The following LMBR1 variants were observed in gnomAD, a reference collection of about 807,000 sequenced individuals.
The protein encoded by LMBR1 is limb region 1 protein homolog.
LMBR1 carries 52 observed loss-of-function variants against 73.9 expected under a neutral mutation model. That is an observed-to-expected ratio of 0.70 (90% CI 0.56 to 0.89). The LOEUF is 0.89. Among genes scored for constraint, LMBR1 ranks in the 40% least tolerant of loss-of-function variants. LMBR1 has a pLI of 0.00. For missense variants in LMBR1, 539 were observed against 579.8 expected, an observed-to-expected ratio of 0.93 and a Z score of 0.72; for synonymous variants, 215 against 209.4, an observed-to-expected ratio of 1.03 and a Z score of -0.23.
chr7:156,844,194 C>A (rs901014212), intron 1 of LMBR1, among the ~76,000 whole-genome samples: 4 of 151,794 alleles, frequency 2.6e-5, no homozygotes, highest in Non-Finnish European at 5.9e-5. Context: ...GATGGTGGTA[C>A]ACGCCTGTAA....
chr7:156,686,927 TAA>T (rs2131874261), intron 16 of LMBR1, among the ~76,000 whole-genome samples: 1 of 152,344 alleles, frequency 6.6e-6, no homozygotes, highest in South Asian at 2.1e-4. Flanking sequence ...TTAAAAGGTA[TAA>T]GTTATCTGGT....
chr7:156,833,649 C>G (rs1305790852), intron 3 of LMBR1, 104 bp downstream of exon 3: 4 of 791,410 alleles, frequency 5.1e-6, no homozygotes, highest in African/African-American at 1.8e-5. Context: ...TTGTAATGTG[C>G]TGGGTGAATA....
chr7:156,762,222 G>T, intron 7 of LMBR1, 24 bp from the exon 8 acceptor site: 2 of 1,473,204 alleles, frequency 1.4e-6, no homozygotes, highest in Non-Finnish European at 1.9e-6. Flanking sequence ...ATCACCAAAA[G>T]ACAGAAAGCG....
chr7:156,731,734 G>A (rs949158837), intron 10 of LMBR1, among the ~76,000 whole-genome samples: 1 of 152,016 alleles, frequency 6.6e-6, no homozygotes, highest in Non-Finnish European at 1.5e-5. Flanking sequence ...ATATGAATTA[G>A]AATACCAAAG....
In LMBR1 at chr7:156,680,554, A is replaced by C. The variant is rs750278724; in HGVS notation, c.*3524T>G. 5 of 152,472 alleles carry C rather than the reference A, an allele frequency of 3.3e-5. No homozygotes were observed. Among genetic ancestry groups the C allele is most frequent in the Admixed American group, 6.5e-5 (1 of 15,286 alleles). 9.4% of individuals were successfully genotyped at this position (152,472 alleles called of 1,614,324 possible). On this transcript the variant is annotated 3_prime_UTR_variant, in exon 17 of 17. Coordinates refer to ENST00000353442, the MANE Select transcript of LMBR1 (RefSeq NM_022458.4). ...AACTCTGGGTTAAGCTGTCCAGACC[A>C]CAAGTAGGTGCTGTTCAGTCCTTTT...
Position 156,670,252 on chromosome 7 carries a change from C to T in LMBR1, n.867-965G>A, listed in dbSNP as rs987082702. ...TTGCAGAGGAGCTGGATGCTAAGCA[C>T]GGCTGGCTCTACTGTTTTGACTTTG... On this transcript the variant is annotated intron_variant and non_coding_transcript_variant, in intron 4 of 4. Coordinates refer to the LMBR1 transcript ENST00000430825. This position sits in a 1 kb window ranked among gnomAD's most constrained non-coding sequence, Gnocchi z 4.3. 2.6e-5 allele frequency among the ~76,000 whole-genome samples: 4 copies of T among 152,178 alleles called. No individual in the cohort carries two copies. The highest frequency in any genetic ancestry group is 6.5e-5 in the Admixed American group (1 of 15,274).
intron 3 of LMBR1, among the ~76,000 whole-genome samples, chr7:156,832,020 A>G (rs549148268): frequency 6.6e-6 from 1 of 152,352 alleles, no homozygotes; most frequent in Non-Finnish European, 1.5e-5. Flanking sequence ...ATTTATACAG[A>G]GGAAAAAAAT....
At chr7:156,759,027 A>G (rs1196952532) in intron 8 of LMBR1, among the ~76,000 whole-genome samples, 1 of 152,248 alleles carries the variant, frequency 6.6e-6, no homozygotes, top group Non-Finnish European at 1.5e-5. Context: ...AAATATGGGT[A>G]AGACATAGTC....
intron 1 of LMBR1, among the ~76,000 whole-genome samples, chr7:156,848,178 T>C (rs764944265): frequency 1.6e-4 from 24 of 151,574 alleles, no homozygotes; most frequent in Non-Finnish European, 3.2e-4. Flanking sequence ...TGACAAAGAC[T>C]TCATGACAAA....
rs552647160 is a variant in LMBR1, at chr7:156,842,177, T to C, written c.67-5292A>G. 1.0e-4 allele frequency among the ~76,000 whole-genome samples: 15 copies of C among 150,480 alleles called. No individual in the cohort carries two copies. In the South Asian group the frequency reaches 3.2e-3, roughly 32 times the overall value. ...TACATACGGAGAGTGAGGGAAGAAG[T>C]GCTGCAGGGTAATAAGGAATCAGAG... On this transcript the variant is annotated intron_variant, in intron 1 of 16. Transcript: ENST00000353442.
intron 9 of LMBR1, among the ~76,000 whole-genome samples, chr7:156,743,061 A>G (rs1242125690): frequency 6.6e-6 from 1 of 152,090 alleles, no homozygotes; most frequent in Non-Finnish European, 1.5e-5. Context: ...CATGATACAA[A>G]CCTTTAGAAA....
At chr7:156,826,170 G>T (rs949515219) in intron 4 of LMBR1, among the ~76,000 whole-genome samples, 1 of 152,042 alleles carries the variant, frequency 6.6e-6, no homozygotes, top group Admixed American at 6.6e-5. Context: ...AGTAGAGACA[G>T]GGTTTCTCCA....
At chr7:156,836,442 T>A (rs980670350) in intron 2 of LMBR1, among the ~76,000 whole-genome samples, 8 of 152,212 alleles carry the variant, frequency 5.3e-5, no homozygotes, top group Admixed American at 4.6e-4. Context: ...TCTAAATATC[T>A]ACTATATGCT....
chr7:156,756,613 T>A (rs770024225), intron 8 of LMBR1, 148 bp from the exon 9 acceptor site: 6 of 567,320 alleles, frequency 1.1e-5, no homozygotes, highest in Non-Finnish European at 1.8e-5. Context: ...AACTATGTTA[T>A]TTATAAATTA....
intron 15 of LMBR1, among the ~76,000 whole-genome samples, chr7:156,691,866 T>A (rs2098040): frequency 0.74 from 111,776 of 151,684 alleles, 42,198 homozygotes; most frequent in African/African-American, 0.92. Flanking sequence ...TCTAAACCAT[T>A]TTTTTGAAAT....
chr7:156,870,488 G>A (rs955479594), intron 1 of LMBR1, among the ~76,000 whole-genome samples: 7 of 152,132 alleles, frequency 4.6e-5, no homozygotes, highest in Admixed American at 1.3e-4. Context: ...TCAAGATGCC[G>A]GGCGCAGTGG....
chr7:156,855,075 CAA>C (rs1238131496), intron 1 of LMBR1, among the ~76,000 whole-genome samples: 3 of 152,084 alleles, frequency 2.0e-5, no homozygotes, highest in Non-Finnish European at 4.4e-5. Context: ...TCTAAAGAGT[CAA>C]AGAGTCAGAA....
chr7:156,676,714 T>G (rs1328430897), downstream of LMBR1: 9 of 1,254,702 alleles, frequency 7.2e-6, no homozygotes, highest in African/African-American at 1.3e-4. Context: ...TCATTTTGGA[T>G]GAACTGCATG....
intron 9 of LMBR1, among the ~76,000 whole-genome samples, chr7:156,750,920 G>A (rs185599579): frequency 3.0e-4 from 45 of 152,232 alleles, no homozygotes; most frequent in African/African-American, 1.1e-3. Flanking sequence ...GACCAGCCTG[G>A]GCAATATGGC....
Sources: gnomAD v4.1 joint callset for allele counts (sites outside exome capture counted in the v4.1 genomes callset) on GRCh38, gnomAD v4.1.1 for gene constraint, Gnocchi (gnomAD v3.1) non-coding constraint, MANE v1.5 for transcripts, NCBI Gene and HGNC (gene_info 2026-07-23, HGNC 2026-07-21) for gene names.